The following TIAM2 variants were observed in gnomAD, a reference collection of about 807,000 sequenced individuals.
TIAM2 encodes rho guanine nucleotide exchange factor TIAM2.
Under a neutral mutation model 152.9 loss-of-function variants are expected in TIAM2, and 80 were observed. The ratio of observed to expected loss-of-function variants is 0.52; its 90% confidence interval spans 0.44 to 0.63. The LOEUF is 0.63. Ranked by LOEUF, TIAM2 falls within the 30% of genes least tolerant of loss-of-function variation. The pLI, the probability that TIAM2 is intolerant of heterozygous loss-of-function variation, is 0.00. For missense variants in TIAM2, 1,965 were observed against 2,120.1 expected (o/e 0.93, Z 1.44); for synonymous variants, 804 against 838.0 (o/e 0.96, Z 0.70).
chr6:155,096,655 T>G (rs1778424833), intron 2 of TIAM2, among the ~76,000 whole-genome samples: 1 of 152,206 alleles, frequency 6.6e-6, no homozygotes, highest in Non-Finnish European at 1.5e-5. Flanking sequence ...GACCTCCAGT[T>G]TCACCCACAT....
Position 155,047,722 on chromosome 6 carries a change from A to C in TIAM2, c.-208-42567A>C, listed in dbSNP as rs1362011995. Among the ~76,000 whole-genome samples, 675 of 128,514 alleles carry C rather than the reference A, an allele frequency of 5.3e-3. 36 individuals carry two copies. The highest frequency in any genetic ancestry group is 0.016 in the African/African-American group (523 of 33,302). The allele number at this position is 128,514 out of a possible 152,430, so 84.3% of individuals were successfully genotyped here. A position where few individuals can be genotyped will look rare whatever the true frequency, so the allele number is the denominator to read the frequency against. The stretch of plus-strand genomic sequence containing the variant: ...GAGAGAGAGCGAGAGAGAGAGAGAG[A>C]GAGCGAGAGAGAGAGAGAGAGAGCG... On this transcript the variant is annotated intron_variant, in intron 1 of 26. Transcript: ENST00000682666.
Position 155,213,761 on chromosome 6 carries a change from T to G in TIAM2, c.3168+2454T>G, listed in dbSNP as rs2115221416. 6.6e-6 allele frequency among the ~76,000 whole-genome samples: 1 copy of G among 152,308 alleles called. No homozygotes were observed. Among genetic ancestry groups the G allele is most frequent in the East Asian group, 1.9e-4 (1 of 5,172 alleles). ...GCCGAGCTGCCCTCAGTCCCCTCCTTGGCCTGCCTCCCATGCTCATTGGTG... is the reference window on the plus strand; with the variant it reads ...GCCGAGCTGCCCTCAGTCCCCTCCTGGGCCTGCCTCCCATGCTCATTGGTG... On this transcript the variant is annotated intron_variant, in intron 15 of 26. Transcript: ENST00000682666. The surrounding 1 kb of genome is among the most constrained non-coding windows in gnomAD (Gnocchi z 4.2).
chr6:155,149,378 G>A (rs2115067335), intron 7 of TIAM2, among the ~76,000 whole-genome samples: 1 of 152,312 alleles, frequency 6.6e-6, no homozygotes, highest in African/African-American at 2.4e-5. Flanking sequence ...AATGAGGAAT[G>A]GGATGAAGAT....
At chr6:155,060,734 A>G (rs964721301) in intron 1 of TIAM2, among the ~76,000 whole-genome samples, 1 of 152,050 alleles carries the variant, frequency 6.6e-6, no homozygotes, top group Admixed American at 6.6e-5. Context: ...TGTCTCTACT[A>G]AAAATACAAA....
chr6:155,176,783 T>A (rs1583231577), intron 9 of TIAM2, 33 bp from the exon 10 acceptor site: 1 of 1,601,178 alleles, frequency 6.2e-7, no homozygotes, highest in East Asian at 2.2e-5. Context: ...TTAATCAAAT[T>A]TGTCTGCATT....
rs1176070283 is a variant in TIAM2, at chr6:155,127,481, G to A, written c.-117-9G>A. On this transcript the variant is annotated splice_polypyrimidine_tract_variant and intron_variant, in intron 2 of 26. Transcript: ENST00000682666. ...CTTCACAGAGTTTTCTTGCGTTTCT[G>A]TTTTTCAGGCTCACTTCATGGACTC... 28 of 435,574 alleles carry A rather than the reference G, an allele frequency of 6.4e-5. No homozygotes were observed. The East Asian group carries it at 1.9e-3, about 29-fold the overall frequency. The allele number at this position is 435,574 out of a possible 1,614,324, so 27.0% of individuals were successfully genotyped here.
Position 155,140,922 on chromosome 6 carries a change from C to G in TIAM2, c.1630+3310C>G, listed in dbSNP as rs183120468. Among the ~76,000 whole-genome samples the G allele has an allele frequency of 2.0e-5, 3 of 152,258 alleles. No individual in the cohort carries two copies. The East Asian group carries it at 5.8e-4, about 29-fold the overall frequency. ...GCTACTGACCACATTTGTCCAGAGCCAAATTGTCGCAGGCTTCTTGAGGGA... is the reference window on the plus strand; with the variant it reads ...GCTACTGACCACATTTGTCCAGAGCGAAATTGTCGCAGGCTTCTTGAGGGA... On this transcript the variant is annotated intron_variant, in intron 5 of 26. Coordinates refer to ENST00000682666, the MANE Select transcript of TIAM2 (RefSeq NM_012454.4).
In TIAM2 at chr6:155,094,182, GGCAGTGGATAGCTGAA is replaced by G. The variant is rs1778361403; in HGVS notation, c.-118+3806_-118+3821del. ...AACATTGGGTTCTACCTTCTCAGCT[GGCAGTGGATAGCTGAA>G]GCTGTGTAGATGGTGGCCTTTTGGT... On this transcript the variant is annotated intron_variant, in intron 2 of 26. Coordinates refer to ENST00000682666, the MANE Select transcript of TIAM2 (RefSeq NM_012454.4). 2.0e-5 allele frequency among the ~76,000 whole-genome samples: 3 copies of G among 152,294 alleles called. No homozygotes were observed. In the South Asian group the frequency reaches 6.2e-4, roughly 32 times the overall value.
intron 14 of TIAM2, among the ~76,000 whole-genome samples, chr6:155,200,231 G>A (rs1781445721): frequency 6.6e-6 from 1 of 152,156 alleles, no homozygotes; most frequent in African/African-American, 2.4e-5. Flanking sequence ...GTGATCATCT[G>A]GGGCTTTCTC....
intron 7 of TIAM2, among the ~76,000 whole-genome samples, chr6:155,160,358 T>A (rs1404538607): frequency 1.3e-5 from 2 of 152,140 alleles, no homozygotes; most frequent in Non-Finnish European, 2.9e-5. Flanking sequence ...CTTCAGGTGG[T>A]CAACAGATTG....
intron 15 of TIAM2, among the ~76,000 whole-genome samples, chr6:155,225,114 C>T (rs1782198164): frequency 6.6e-6 from 1 of 152,154 alleles, no homozygotes; most frequent in African/African-American, 2.4e-5. Flanking sequence ...CACAACTGCA[C>T]ACAGCTAATT....
intron 1 of TIAM2, among the ~76,000 whole-genome samples, chr6:155,028,347 T>TTATA: frequency 7.8e-6 from 1 of 128,800 alleles, no homozygotes; most frequent in Non-Finnish European, 1.6e-5. Flanking sequence ...ATATACTGTG[T>TTATA]TACATATATA....
chr6:155,245,455 G>C (rs1421079051), intron 18 of TIAM2, among the ~76,000 whole-genome samples, 168 bp from the exon 19 acceptor site: 1 of 152,228 alleles, frequency 6.6e-6, no homozygotes, highest in African/African-American at 2.4e-5. Context: ...ACCTGCCAGG[G>C]GAGCGCCTGG....
intron 1 of TIAM2, among the ~76,000 whole-genome samples, chr6:155,007,071 C>T (rs574276968): frequency 3.3e-5 from 5 of 152,288 alleles, no homozygotes; most frequent in East Asian, 3.9e-4. Flanking sequence ...TAAGCCACTG[C>T]GGCTGGTCTG....
chr6:155,144,566 A>T, intron 5 of TIAM2, 40 bp from the exon 6 acceptor site: 1 of 1,463,968 alleles, frequency 6.8e-7, no homozygotes, highest in Non-Finnish European at 9.0e-7. Context: ...CTGCATCTCC[A>T]GGTCTGACCG....
chr6:155,195,116 T>C (rs1297838313), intron 14 of TIAM2, among the ~76,000 whole-genome samples: 1 of 152,198 alleles, frequency 6.6e-6, no homozygotes, highest in Non-Finnish European at 1.5e-5. Context: ...TGAGAATGGA[T>C]TAATACAAAC....
chr6:155,221,428 G>A (rs1256756144), intron 15 of TIAM2, among the ~76,000 whole-genome samples: 5 of 152,218 alleles, frequency 3.3e-5, no homozygotes, highest in Non-Finnish European at 5.9e-5. Flanking sequence ...GAGCAGAGAT[G>A]CTGATCTTCA....
Position 155,061,101 on chromosome 6 carries a change from C to T in TIAM2, c.-208-29188C>T, listed in dbSNP as rs142665052. 7.9e-5 allele frequency among the ~76,000 whole-genome samples: 12 copies of T among 152,206 alleles called. No individual in the cohort carries two copies. The East Asian group carries it at 1.2e-3, about 15-fold the overall frequency. ...CCAAGTTCTGGGTGCCAGGTGTGCC[C>T]GTTGCTATTGGAGTGTTACTACGTC... On this transcript the variant is annotated intron_variant, in intron 1 of 26. Coordinates refer to ENST00000682666, the MANE Select transcript of TIAM2 (RefSeq NM_012454.4).
chr6:155,077,223 C>T (rs1777981147), intron 1 of TIAM2, among the ~76,000 whole-genome samples: 1 of 151,288 alleles, frequency 6.6e-6, no homozygotes, highest in Admixed American at 6.6e-5. Context: ...ATAGGCTTAG[C>T]CTTAGGCTCA....
Sources: gnomAD v4.1 joint callset for allele counts (sites outside exome capture counted in the v4.1 genomes callset) on GRCh38, gnomAD v4.1.1 for gene constraint, Gnocchi (gnomAD v3.1) non-coding constraint, MANE v1.5 for transcripts, NCBI Gene and HGNC (gene_info 2026-07-23, HGNC 2026-07-21) for gene names.